Variants in YTHDC2 observed in about 807,000 individuals in gnomAD.
YTHDC2 encodes the protein YTH N6-methyladenosine RNA binding protein C2.
Under a neutral mutation model 174.9 loss-of-function variants are expected in YTHDC2, and 45 were observed. That is an observed-to-expected ratio of 0.26 (90% CI 0.20 to 0.33). The LOEUF (loss-of-function observed/expected upper bound fraction) is 0.33, where lower values mean the gene tolerates loss of function less well. YTHDC2 is among the 10% of genes least tolerant of loss of function. YTHDC2 has a pLI of 1.00. For missense variants in YTHDC2, 1,650 were observed against 1,723.7 expected (o/e 0.96, Z 0.76); for synonymous variants, 657 against 574.5 (o/e 1.14, Z -2.05).
chr5:113,574,529 G>A (rs987552539), intron 23 of YTHDC2, among the ~76,000 whole-genome samples: 1 of 152,164 alleles, frequency 6.6e-6, no homozygotes, highest in African/African-American at 2.4e-5. Context: ...CATCCAGACT[G>A]CCTGTATAGC....
In YTHDC2 at chr5:113,513,986, G is replaced by A. The variant is rs746595435; in HGVS notation, c.91G>A (p.Gly31Ser). ...CTCGCCTTGTGGCCCTGGGGGCGGC[G>A]GCCGGGCCAAGGGGCTGAAGGACAT... ...GPSPCGPGGG[G>S]RAKGLKDIRI... The change falls in exon 1 of 30, where the codon GGC (glycine) becomes AGC (serine). Residue 31 changes from glycine to serine, a missense_variant. Physicochemically the swap from Gly to Ser is moderately conservative, Grantham distance 56. Around this residue, in one of 5 missense-constraint regions of YTHDC2, gnomAD observed 304 missense variants for 341.4 expected, o/e 0.89. Coordinates refer to ENST00000161863, the MANE Select transcript of YTHDC2 (RefSeq NM_022828.5). 14 of 1,604,126 alleles carry A rather than the reference G, an allele frequency of 8.7e-6. No individual in the cohort carries two copies.
rs1773177017 is a variant in YTHDC2, at chr5:113,513,745, C to T, written c.-151C>T. 3.9e-6 allele frequency: 3 copies of T among 772,614 alleles called. No individual in the cohort carries two copies. Among genetic ancestry groups the T allele is most frequent in the South Asian group, 2.0e-5 (1 of 50,900 alleles). 47.9% of individuals were successfully genotyped at this position (772,614 alleles called of 1,614,324 possible). A position where few individuals can be genotyped will look rare whatever the true frequency, so the allele number is the denominator to read the frequency against. ...GGCGCAGGCTTCACTTCTGCTGTGGCGGTGACTGAGGCCTTTCTGGTGACC... is the reference window on the plus strand; with the variant it reads ...GGCGCAGGCTTCACTTCTGCTGTGGTGGTGACTGAGGCCTTTCTGGTGACC... On this transcript the variant is annotated 5_prime_UTR_variant, in exon 1 of 30. Transcript: ENST00000161863.
chr5:113,566,980 C>A, intron 21 of YTHDC2, 112 bp from the exon 22 acceptor site: 2 of 1,174,736 alleles, frequency 1.7e-6, no homozygotes, highest in Non-Finnish European at 2.4e-6. Flanking sequence ...TATTAATTAT[C>A]GTGAAATTTG....
intron 24 of YTHDC2, among the ~76,000 whole-genome samples, chr5:113,580,542 A>G (rs10478129): frequency 0.34 from 52,092 of 151,942 alleles, 11,707 homozygotes; most frequent in African/African-American, 0.63. Context: ...CAAGCTGTCA[A>G]TAGTTAACAC....
chr5:113,522,859 CTAAAACATAAAAA>C (rs1561623648), intron 2 of YTHDC2, among the ~76,000 whole-genome samples: 1 of 152,092 alleles, frequency 6.6e-6, no homozygotes, highest in Non-Finnish European at 1.5e-5. Context: ...GACTCCTTTA[CTAAAACATAAAAA>C]TGATCAAGTT....
chr5:113,534,519 A>T lies in YTHDC2; in HGVS notation c.945+112A>T, dbSNP rs115848714. On this transcript the variant is annotated intron_variant, in intron 6 of 29. Transcript: ENST00000161863. ...TTAAATACATAATTACATTTTTGGAATAGGGTAGAAAAGAGAACCAACTTA... is the reference window on the plus strand; with the variant it reads ...TTAAATACATAATTACATTTTTGGATTAGGGTAGAAAAGAGAACCAACTTA... 1,418 of 865,846 alleles carry T rather than the reference A, an allele frequency of 1.6e-3. 11 individuals carry two copies. The African/African-American group carries it at 0.021, about 13-fold the overall frequency. The allele number at this position is 865,846 out of a possible 1,614,324, so 53.6% of individuals were successfully genotyped here. A position where few individuals can be genotyped will look rare whatever the true frequency, so the allele number is the denominator to read the frequency against.
At chr5:113,580,000 C>G in intron 24 of YTHDC2, 1 of 933,020 alleles carries the variant, frequency 1.1e-6, no homozygotes, top group Non-Finnish European at 1.3e-6. Flanking sequence ...GATCTTAAGT[C>G]TGAGATCAAG....
At chr5:113,542,730 T>G (rs1314168412) in intron 10 of YTHDC2, among the ~76,000 whole-genome samples, 1 of 152,226 alleles carries the variant, frequency 6.6e-6, no homozygotes, top group East Asian at 1.9e-4. Context: ...TCCATTGCAG[T>G]TTGAAGAGCT....
At chr5:113,565,682 T>A (rs3763140) in intron 20 of YTHDC2, 101,568 of 425,804 alleles carry the variant, frequency 0.24, 15,729 homozygotes, top group African/African-American at 0.55. Context: ...CTTAGTTCTC[T>A]TTGCGATTTT....
chr5:113,586,365 T>C (rs1386628524), intron 26 of YTHDC2, among the ~76,000 whole-genome samples: 2 of 152,028 alleles, frequency 1.3e-5, no homozygotes, highest in Admixed American at 1.3e-4. Flanking sequence ...TGTTGATTTG[T>C]CATCTTTCAC....
intron 10 of YTHDC2, among the ~76,000 whole-genome samples, chr5:113,546,561 A>G (rs1775901590): frequency 6.6e-6 from 1 of 152,220 alleles, no homozygotes. Context: ...TTTCCCCATG[A>G]TCATGTAGAA....
chr5:113,591,396 G>C, intron 27 of YTHDC2, 152 bp downstream of exon 27: 1 of 764,414 alleles, frequency 1.3e-6, no homozygotes, highest in East Asian at 2.6e-5. Flanking sequence ...TCTCTTTAGA[G>C]GATGATAGAA....
chr5:113,540,863 C>T, intron 8 of YTHDC2, 105 bp from the exon 9 acceptor site: 4 of 1,101,694 alleles, frequency 3.6e-6, no homozygotes, highest in South Asian at 1.7e-5. Flanking sequence ...AGAATAAGAC[C>T]AACTTTTAAG....
At chr5:113,542,668 A>G (rs1429868184) in intron 10 of YTHDC2, among the ~76,000 whole-genome samples, 165 bp downstream of exon 10, 1 of 152,220 alleles carries the variant, frequency 6.6e-6, no homozygotes, top group Non-Finnish European at 1.5e-5. Flanking sequence ...TCTTGCTAGC[A>G]CAGCATAGTA....
chr5:113,537,100 C>CTGA (rs1775134003), intron 7 of YTHDC2, among the ~76,000 whole-genome samples: 1 of 152,094 alleles, frequency 6.6e-6, no homozygotes, highest in Non-Finnish European at 1.5e-5. Context: ...TATGTATATC[C>CTGA]TGATGTACTG....
chr5:113,543,067 AT>A (rs1022124129), intron 10 of YTHDC2, among the ~76,000 whole-genome samples: 3 of 152,040 alleles, frequency 2.0e-5, no homozygotes, highest in Non-Finnish European at 2.9e-5. Flanking sequence ...CCTTAATTCT[AT>A]TTATACTTAA....
At position 113,548,403 on chromosome 5, in the gene YTHDC2, T is replaced by C. The variant is rs1776029500; in HGVS notation, c.1496-138T>C. 5.6e-6 allele frequency: 4 copies of C among 715,498 alleles called. No homozygotes were observed. The Admixed American group carries it at 1.2e-4, about 22-fold the overall frequency. The allele number at this position is 715,498 out of a possible 1,614,324, so 44.3% of individuals were successfully genotyped here. A position where few individuals can be genotyped will look rare whatever the true frequency, so the allele number is the denominator to read the frequency against. On this transcript the variant is annotated intron_variant, in intron 10 of 29. Transcript: ENST00000161863. ...ATCTAAGTTAAGGGTTATGTAGTGC[T>C]GTCATTATGTAGTTAAGGAGCAACT...
chr5:113,515,669 A>G (rs1409509365), intron 2 of YTHDC2, among the ~76,000 whole-genome samples: 5 of 152,222 alleles, frequency 3.3e-5, no homozygotes, highest in African/African-American at 1.2e-4. Flanking sequence ...AACAAGAGAA[A>G]AACATAAGCT....
intron 24 of YTHDC2, among the ~76,000 whole-genome samples, chr5:113,580,602 T>C (rs985200226): frequency 6.6e-6 from 1 of 152,314 alleles, no homozygotes; most frequent in Admixed American, 6.5e-5. Flanking sequence ...TTCAACCTAC[T>C]ACACTCTCAC....
Sources: allele counts gnomAD v4.1 joint callset (sites outside exome capture counted in the v4.1 genomes callset), GRCh38; gene constraint gnomAD v4.1.1; regional missense constraint gnomAD v4.1.1; transcripts MANE v1.5; gene names NCBI Gene and HGNC (gene_info 2026-07-23, HGNC 2026-07-21).